The following SIK2 variants were observed in gnomAD, a reference collection of about 807,000 sequenced individuals.
SIK2 encodes the protein serine/threonine-protein kinase SIK2.
SIK2 carries 29 observed loss-of-function variants against 103.2 expected under a neutral mutation model. The observed-to-expected ratio is 0.28, with a 90% CI of 0.21 to 0.38. The LOEUF (loss-of-function observed/expected upper bound fraction) is 0.38, where lower values mean the gene tolerates loss of function less well. Among genes scored for constraint, SIK2 ranks in the 10% least tolerant of loss-of-function variants. The pLI is 1.00. For missense variants in SIK2, 879 were observed against 1,171.0 expected, an observed-to-expected ratio of 0.75 and a Z score of 3.64; for synonymous variants, 412 against 446.1, an observed-to-expected ratio of 0.92 and a Z score of 0.96.
intron 1 of SIK2, among the ~76,000 whole-genome samples, chr11:111,603,273 C>T (rs550974261): frequency 3.8e-4 from 58 of 152,276 alleles, no homozygotes; most frequent in South Asian, 1.7e-3. Flanking sequence ...CCTCTCCTTC[C>T]TTTTGGCCCA....
Position 111,729,597 on chromosome 11 carries a change from T to C in SIK2, c.*5468T>C, listed in dbSNP as rs766988485. 4 of 152,268 alleles carry C rather than the reference T, an allele frequency of 2.6e-5. No homozygotes were observed. The highest frequency in any genetic ancestry group is 4.4e-5 in the Non-Finnish European group (3 of 68,064). The allele number at this position is 152,268 out of a possible 1,614,324, so 9.4% of individuals were successfully genotyped here. On this transcript the variant is annotated 3_prime_UTR_variant, in exon 15 of 15. Coordinates refer to ENST00000304987, the MANE Select transcript of SIK2 (RefSeq NM_015191.3). The stretch of plus-strand genomic sequence containing the variant: ...GTTTTGGTTCTCTGGCTTCTAGTGC[T>C]GGAAGAAGCCCTCTCTTTCCCTTCT...
intron 3 of SIK2, among the ~76,000 whole-genome samples, chr11:111,629,303 C>T (rs1416883436): frequency 5.9e-5 from 9 of 152,094 alleles, no homozygotes; most frequent in Non-Finnish European, 8.8e-5. Flanking sequence ...GTAATTTGTT[C>T]AAAGTCACAC....
Position 111,665,146 on chromosome 11 carries a change from A to G in SIK2, c.317-22855A>G, listed in dbSNP as rs755551079. On this transcript the variant is annotated intron_variant, in intron 3 of 14. Coordinates refer to ENST00000304987, the MANE Select transcript of SIK2 (RefSeq NM_015191.3). Reference sequence around the variant, plus strand: ...GATTTGGTGATGTACCAGGGATACTATGGGGCAAGTGTAGACCAGGGATGG... The same window carrying G: ...GATTTGGTGATGTACCAGGGATACTGTGGGGCAAGTGTAGACCAGGGATGG... 2.0e-5 allele frequency among the ~76,000 whole-genome samples: 3 copies of G among 152,238 alleles called. No homozygotes were observed. In the South Asian group the frequency reaches 6.2e-4, roughly 32 times the overall value.
At chr11:111,621,612 G>A (rs901695985) in intron 3 of SIK2, among the ~76,000 whole-genome samples, 1 of 151,906 alleles carries the variant, frequency 6.6e-6, no homozygotes, top group Non-Finnish European at 1.5e-5. Context: ...TTACCACTTC[G>A]CATATAATAT....
Position 111,720,757 on chromosome 11 carries a change from C to T in SIK2, c.1775C>T (p.Thr592Ile). 6.3e-7 allele frequency: 1 copy of T among 1,587,074 alleles called. No homozygotes were observed. Among genetic ancestry groups the T allele is most frequent in the Non-Finnish European group, 8.6e-7 (1 of 1,167,176 alleles). The change falls in exon 11 of 15, where the codon ACC becomes ATC. Residue 592 changes from threonine to isoleucine, a missense_variant. By Grantham distance (89) the Thr-to-Ile change is moderately conservative (BLOSUM62 -1). Coordinates refer to ENST00000304987, the MANE Select transcript of SIK2 (RefSeq NM_015191.3). ...EGRRASDTSL[T>I]QGIVAFRQHL... Reference sequence around the variant, plus strand: ...CGCAGAGCATCAGATACCTCCCTCACCCAGGGTGAGCACTTCCTCCTCTGC... The same window carrying T: ...CGCAGAGCATCAGATACCTCCCTCATCCAGGGTGAGCACTTCCTCCTCTGC...
intron 3 of SIK2, among the ~76,000 whole-genome samples, chr11:111,642,686 A>G (rs1399327591): frequency 2.6e-5 from 4 of 152,120 alleles, no homozygotes; most frequent in African/African-American, 9.7e-5. Context: ...TCCCCTCTCT[A>G]GATTCCCAGA....
intron 3 of SIK2, among the ~76,000 whole-genome samples, chr11:111,669,559 C>T (rs753901224): frequency 6.7e-6 from 1 of 150,220 alleles, no homozygotes; most frequent in Non-Finnish European, 1.5e-5. Flanking sequence ...AATGAGACAC[C>T]CCCCCTCCCG....
At chr11:111,631,707 C>G (rs947459046) in intron 3 of SIK2, among the ~76,000 whole-genome samples, 5 of 152,190 alleles carry the variant, frequency 3.3e-5, no homozygotes, top group South Asian at 2.1e-4. Context: ...TTGCCACTTT[C>G]AATTTCTCTT....
At position 111,728,740 on chromosome 11, in the gene SIK2, C is replaced by G. The variant is rs1173152410; in HGVS notation, c.*4611C>G. Reference sequence around the variant, plus strand: ...TCAGGAGATTGAGACCATCCTAACACAGTGAAACGCCGTCTCTACTAAAAA... The same window carrying G: ...TCAGGAGATTGAGACCATCCTAACAGAGTGAAACGCCGTCTCTACTAAAAA... On this transcript the variant is annotated 3_prime_UTR_variant, in exon 15 of 15. Transcript: ENST00000304987. 6.6e-6 allele frequency: 1 copy of G among 152,038 alleles called. No homozygotes were observed. The highest frequency in any genetic ancestry group is 1.5e-5 in the Non-Finnish European group (1 of 68,046). The allele number at this position is 152,038 out of a possible 1,614,324, so 9.4% of individuals were successfully genotyped here.
In SIK2 at chr11:111,644,391, T is replaced by TA. The variant is rs983568733; in HGVS notation, c.316+23998dup. Among the ~76,000 whole-genome samples the TA allele has an allele frequency of 1.8e-3, 273 of 150,418 alleles. 2 individuals are homozygous for TA. Among genetic ancestry groups the TA allele is most frequent in the African/African-American group, 6.0e-3 (248 of 40,992 alleles). ...AGCCAAAGGAAACTTTTTTTACATTTAAAAAAAAAGGTTTTTTTCAAATGT... is the reference window on the plus strand; with the variant it reads ...AGCCAAAGGAAACTTTTTTTACATTTAAAAAAAAAAGGTTTTTTTCAAATGT... On this transcript the variant is annotated intron_variant, in intron 3 of 14. Transcript: ENST00000304987.
rs575244511 is a variant in SIK2, at chr11:111,618,449, G to A, written c.253-1890G>A. The stretch of plus-strand genomic sequence containing the variant: ...ATGCCTCCTGAGAATGAGAGACTAT[G>A]ATGTGTCACTCAAAGCATTTCCTAA... On this transcript the variant is annotated intron_variant, in intron 2 of 14. Transcript: ENST00000304987. Among the ~76,000 whole-genome samples the A allele has an allele frequency of 2.0e-5, 3 of 152,274 alleles. No homozygotes were observed. In the East Asian group the frequency reaches 5.8e-4, roughly 29 times the overall value.
intron 1 of SIK2, among the ~76,000 whole-genome samples, chr11:111,611,152 G>T (rs1330281388): frequency 6.6e-6 from 1 of 151,700 alleles, no homozygotes; most frequent in South Asian, 2.1e-4. Flanking sequence ...GGGAGGCTGA[G>T]GTGGGAGGAT....
rs751845354 is a variant in SIK2, at chr11:111,670,749, G to GA, written c.317-17245dup. 1.5e-4 allele frequency among the ~76,000 whole-genome samples: 23 copies of GA among 152,192 alleles called. No homozygotes were observed. In the East Asian group the frequency reaches 2.3e-3, roughly 15 times the overall value. On this transcript the variant is annotated intron_variant, in intron 3 of 14. Transcript: ENST00000304987. Reference sequence around the variant, plus strand: ...CAGAGCTAGCTGGGGCTTTATTTTGGAAAAAAATAATTGAACTGGTTTTTA... The same window carrying GA: ...CAGAGCTAGCTGGGGCTTTATTTTGGAAAAAAAATAATTGAACTGGTTTTTA...
At chr11:111,679,577 A>C (rs1942750854) in intron 3 of SIK2, among the ~76,000 whole-genome samples, 1 of 152,244 alleles carries the variant, frequency 6.6e-6, no homozygotes, top group African/African-American at 2.4e-5. Context: ...TTAAAAGTTT[A>C]ATATTATAAA....
chr11:111,614,181 A>G (rs952935082), intron 1 of SIK2, among the ~76,000 whole-genome samples: 1 of 151,182 alleles, frequency 6.6e-6, no homozygotes, highest in East Asian at 2.0e-4. Context: ...TCCCAGGTTC[A>G]AGCGATTCTC....
At chr11:111,640,875 C>T (rs1441483732) in intron 3 of SIK2, among the ~76,000 whole-genome samples, 1 of 151,850 alleles carries the variant, frequency 6.6e-6, no homozygotes, top group Non-Finnish European at 1.5e-5. Context: ...GCTGGGACTA[C>T]AGGCCCCCGC....
chr11:111,603,620 G>A (rs564344042), intron 1 of SIK2, among the ~76,000 whole-genome samples: 1 of 152,162 alleles, frequency 6.6e-6, no homozygotes, highest in East Asian at 1.9e-4. Flanking sequence ...TCCTTCCACT[G>A]CCTCAAGCTG....
chr11:111,668,396 G>A (rs1192301339), intron 3 of SIK2, among the ~76,000 whole-genome samples: 1 of 152,134 alleles, frequency 6.6e-6, no homozygotes, highest in African/African-American at 2.4e-5. Context: ...TTCAAATAAT[G>A]TTGCACTGAA....
intron 7 of SIK2, among the ~76,000 whole-genome samples, chr11:111,704,269 T>C (rs1591631289): frequency 6.6e-6 from 1 of 152,160 alleles, no homozygotes; most frequent in African/African-American, 2.4e-5. Context: ...TTGCTGAGAG[T>C]GCTCTGCATC....
Sources: gnomAD v4.1 joint callset for allele counts (sites outside exome capture counted in the v4.1 genomes callset) on GRCh38, gnomAD v4.1.1 for gene constraint, MANE v1.5 for transcripts, NCBI Gene and HGNC (gene_info 2026-07-23, HGNC 2026-07-21) for gene names.